Variants in MCM3AP observed in about 807,000 individuals in gnomAD.
MCM3AP encodes the protein minichromosome maintenance complex component 3 associated protein.
Under a neutral mutation model 184.1 loss-of-function variants are expected in MCM3AP, and 126 were observed. That is an observed-to-expected ratio of 0.68 (90% CI 0.59 to 0.79). The LOEUF (loss-of-function observed/expected upper bound fraction) is 0.79. MCM3AP is among the 30% of genes least tolerant of loss of function. The probability of loss-of-function intolerance (pLI) is 0.00; values close to 1 mark genes in which losing one functional copy is unlikely to be tolerated. For synonymous variants in MCM3AP, 1,002 were observed against 979.3 expected (o/e 1.02, Z -0.43); for missense variants, 2,496 against 2,479.2 (o/e 1.01, Z -0.14).
chr21:46,248,224 G>T (rs956196799), intron 20 of MCM3AP, among the ~76,000 whole-genome samples: 4 of 152,082 alleles, frequency 2.6e-5, no homozygotes, highest in Admixed American at 1.3e-4. Flanking sequence ...ACCACTGCAG[G>T]CAACCTCTAT....
intron 20 of MCM3AP, chr21:46,249,480 T>C: frequency 2.4e-6 from 1 of 410,144 alleles, no homozygotes; most frequent in South Asian, 1.8e-5. Context: ...TAAGCCACTA[T>C]GCGCGGCCAG....
intron 16 of MCM3AP, 74 bp from the exon 17 acceptor site, chr21:46,257,060 C>A: frequency 6.5e-7 from 1 of 1,526,964 alleles, no homozygotes; most frequent in Non-Finnish European, 8.9e-7. Context: ...GCAGTCAGAA[C>A]TCAGGCATGG....
chr21:46,237,125 A>T, intron 26 of MCM3AP, 146 bp from the exon 27 acceptor site: 1 of 285,820 alleles, frequency 3.5e-6, no homozygotes, highest in Non-Finnish European at 5.9e-6. Context: ...TTTTTGAGAC[A>T]GAGTCTCACT....
chr21:46,235,293 G>T lies in MCM3AP; in HGVS notation c.5918C>A (p.Ala1973Glu). 1 of 1,614,148 alleles carries T rather than the reference G, an allele frequency of 6.2e-7. No homozygotes were observed. Among genetic ancestry groups the T allele is most frequent in the Non-Finnish European group, 8.5e-7 (1 of 1,180,010 alleles). The part of the protein sequence containing the change: ...EEVASELHLS[A>E]LLDMVDI The stretch of plus-strand genomic sequence containing the variant: ...TCAAATGTCCACCATGTCTAGCAGC[G>T]CAGAGAGATGGAGCTCAGAGGCAAC... Residue 1973 changes from alanine (A) to glutamate (E), a missense_variant, in exon 28 of 28, where the codon GCG (alanine) becomes GAG (glutamate). By Grantham distance (107) the Ala-to-Glu change is moderately radical. Around this residue, in one of 5 missense-constraint regions of MCM3AP, gnomAD observed 1,323 missense variants for 1,273.4 expected, o/e 1.04. Coordinates refer to ENST00000291688, the MANE Select transcript of MCM3AP (RefSeq NM_003906.5).
At position 46,258,999 on chromosome 21, in the gene MCM3AP, A is replaced by G. The variant is rs372230985; in HGVS notation, c.3674T>C (p.Ile1225Thr). The stretch of plus-strand genomic sequence containing the variant: ...GAGGGTCTCCTTTGCAGTCTGGAAG[A>G]TTTCCTCCACGAGAAACAAGTCCAC... ...HLVDLFLVEE[I>T]FQTAKETLQE... Residue 1225 changes from isoleucine to threonine, a missense_variant, in exon 16 of 28, where the codon ATC becomes ACC. Physicochemically the swap from Ile to Thr is moderately conservative, Grantham distance 89. Around this residue, in one of 5 missense-constraint regions of MCM3AP, gnomAD observed 1,323 missense variants for 1,273.4 expected, o/e 1.04. Coordinates refer to ENST00000291688, the MANE Select transcript of MCM3AP (RefSeq NM_003906.5). 1.3e-5 allele frequency: 21 copies of G among 1,614,054 alleles called. No homozygotes were observed. The African/African-American group carries it at 1.7e-4, about 13-fold the overall frequency.
chr21:46,243,003 A>C, intron 24 of MCM3AP, 72 bp from the exon 25 acceptor site: 1 of 1,270,228 alleles, frequency 7.9e-7, no homozygotes, highest in Non-Finnish European at 1.1e-6. Flanking sequence ...AAAAAAACAC[A>C]CACAAAAAAA....
Position 46,258,959 on chromosome 21 carries a change from G to A in MCM3AP, c.3714C>T (p.Cys1238=), listed in dbSNP as rs2080998693. ...TAKETLQELQ[C]FCKYLQRWRE... ...CTCACCGCTGTAGATACTTGCAGAA[G>A]CACTGAAGCTCCTGGAGGGTCTCCT... Residue 1238 remains cysteine (C), a synonymous_variant, in exon 16 of 28, where the codon TGC becomes TGT. Coordinates refer to ENST00000291688, the MANE Select transcript of MCM3AP (RefSeq NM_003906.5). 1.2e-6 allele frequency: 2 copies of A among 1,614,004 alleles called. No homozygotes were observed. Among genetic ancestry groups the A allele is most frequent in the African/African-American group, 2.7e-5 (2 of 74,910 alleles).
In MCM3AP at chr21:46,285,062, G is replaced by A. The variant is rs1436477957; in HGVS notation, c.225C>T (p.Phe75=). ...SHSSSVQTLG[F]TQTSSVGPFS... ...AGGGTCCAACACTTGAGGTTTGGGT[G>A]AACCCTAATGTTTGCACTGAAGAGG... Residue 75 remains phenylalanine (F), a synonymous_variant, in exon 1 of 28, where the codon TTC becomes TTT. Transcript: ENST00000291688. 9 of 1,614,086 alleles carry A rather than the reference G, an allele frequency of 5.6e-6. No individual in the cohort carries two copies. The highest frequency in any genetic ancestry group is 1.1e-5 in the South Asian group (1 of 91,084).
Position 46,285,546 on chromosome 21 carries a change from G to A in MCM3AP, c.-260C>T, listed in dbSNP as rs994985498. On this transcript the variant is annotated 5_prime_UTR_variant, in exon 1 of 28. Coordinates refer to ENST00000291688, the MANE Select transcript of MCM3AP (RefSeq NM_003906.5). ...GAGCCGATAGGTTATTTTGTTGGAG[G>A]GTGGGGTAGAGAGTGGTACAAATAA... Among the ~76,000 whole-genome samples the A allele has an allele frequency of 3.3e-5, 5 of 152,224 alleles. No individual in the cohort carries two copies. The highest frequency in any genetic ancestry group is 7.4e-5 in the Non-Finnish European group (5 of 68,024).
intron 3 of MCM3AP, 55 bp from the exon 4 acceptor site, chr21:46,280,192 G>A: frequency 6.4e-7 from 1 of 1,558,412 alleles, no homozygotes; most frequent in Non-Finnish European, 8.8e-7. Flanking sequence ...ACCTGGAACT[G>A]GATTTTTTCA....
At chr21:46,238,284 T>C (rs77342244) in intron 26 of MCM3AP, among the ~76,000 whole-genome samples, 8,776 of 120,372 alleles carry the variant, frequency 0.073, 2,630 homozygotes, top group Non-Finnish European at 0.1. Flanking sequence ...TATGCATCTA[T>C]AATTAATTCT....
intron 3 of MCM3AP, 109 bp from the exon 4 acceptor site, chr21:46,280,246 GT>G: frequency 8.0e-7 from 1 of 1,249,420 alleles, no homozygotes; most frequent in Non-Finnish European, 1.2e-6. Flanking sequence ...GTCACAGGAG[GT>G]TAGAGAAGAG....
chr21:46,285,454 T>C lies in MCM3AP; in HGVS notation c.-168A>G. 1 of 600,384 alleles carries C rather than the reference T, an allele frequency of 1.7e-6. No individual in the cohort carries two copies. The highest frequency in any genetic ancestry group is 2.9e-6 in the Non-Finnish European group (1 of 339,072). 37.2% of individuals were successfully genotyped at this position (600,384 alleles called of 1,614,324 possible). On this transcript the variant is annotated 5_prime_UTR_variant, in exon 1 of 28. Coordinates refer to ENST00000291688, the MANE Select transcript of MCM3AP (RefSeq NM_003906.5). The stretch of plus-strand genomic sequence containing the variant: ...TTCTGCTACAAGTCTAAGAAAAGAA[T>C]TTTTGAACACTGTCATACTAAAAGG...
At chr21:46,239,572 C>G (rs372993841) in intron 26 of MCM3AP, among the ~76,000 whole-genome samples, 2 of 152,096 alleles carry the variant, frequency 1.3e-5, no homozygotes, top group South Asian at 4.1e-4. Context: ...GGAAGAAAGC[C>G]GGGAACTGGA....
At chr21:46,242,996 A>C in intron 24 of MCM3AP, 65 bp from the exon 25 acceptor site, 3 of 1,411,218 alleles carry the variant, frequency 2.1e-6, no homozygotes, top group Non-Finnish European at 9.5e-7. Flanking sequence ...AAAAAAAAAA[A>C]AAACACACAC....
intron 25 of MCM3AP, chr21:46,241,864 G>A (rs1216753736): frequency 6.6e-6 from 1 of 152,156 alleles, no homozygotes; most frequent in Non-Finnish European, 1.5e-5. Context: ...CAAGGATTAG[G>A]CTCCACTCCT....
intron 26 of MCM3AP, 121 bp from the exon 27 acceptor site, chr21:46,237,100 ATTTTTT>A: frequency 2.8e-5 from 6 of 211,874 alleles, no homozygotes; most frequent in Non-Finnish European, 3.3e-5. Context: ...ATTTTATATA[ATTTTTT>A]TTTTTTTTTT....
chr21:46,272,370 C>A (rs1194415154), intron 8 of MCM3AP, among the ~76,000 whole-genome samples, 191 bp downstream of exon 8: 1 of 152,158 alleles, frequency 6.6e-6, no homozygotes, highest in Non-Finnish European at 1.5e-5. Flanking sequence ...CCAGGGCACA[C>A]CCCCATCGCT....
At chr21:46,258,335 T>C (rs1348316760) in intron 16 of MCM3AP, among the ~76,000 whole-genome samples, 1 of 152,220 alleles carries the variant, frequency 6.6e-6, no homozygotes, top group Non-Finnish European at 1.5e-5. Context: ...TGCCCAGTTA[T>C]AAGATTAATA....
Sources: gnomAD v4.1 joint callset for allele counts (sites outside exome capture counted in the v4.1 genomes callset) on GRCh38, gnomAD v4.1.1 for gene constraint, gnomAD v4.1.1 regional missense constraint, MANE v1.5 for transcripts, NCBI Gene and HGNC (gene_info 2026-07-23, HGNC 2026-07-21) for gene names.